Variants in NT5C3A observed in about 807,000 individuals in gnomAD.
NT5C3A encodes 5'-nucleotidase, cytosolic IIIA, also known as cytosolic 5'-nucleotidase 3A.
NT5C3A carries 23 observed loss-of-function variants against 40.0 expected under a neutral mutation model. The observed-to-expected ratio is 0.58, with a 90% CI of 0.41 to 0.81. NT5C3A has a LOEUF of 0.81. Among genes scored for constraint, NT5C3A ranks in the 40% least tolerant of loss-of-function variants. NT5C3A has a pLI of 0.00. For synonymous variants in NT5C3A, 130 were observed against 141.4 expected (o/e 0.92, Z 0.57); for missense variants, 328 against 403.0 (o/e 0.81, Z 1.59).
intron 1 of NT5C3A, among the ~76,000 whole-genome samples, chr7:33,037,067 C>T (rs970452946): frequency 5.3e-5 from 8 of 152,204 alleles, no homozygotes; most frequent in African/African-American, 1.9e-4. Context: ...GCCTCTGCCT[C>T]CCAAAGTGCT....
At chr7:33,056,230 A>G (rs941346400) in intron 1 of NT5C3A, among the ~76,000 whole-genome samples, 28 of 152,190 alleles carry the variant, frequency 1.8e-4, no homozygotes, top group Non-Finnish European at 7.3e-5. Context: ...GGAAATGCCA[A>G]AGGAATTCAG....
chr7:33,019,352 T>C (rs543710802), intron 6 of NT5C3A, among the ~76,000 whole-genome samples: 4 of 152,306 alleles, frequency 2.6e-5, no homozygotes, highest in African/African-American at 7.2e-5. Flanking sequence ...AATTTTTAAA[T>C]GGCCTTGGTT....
chr7:33,017,040 G>A (rs1446526271), intron 7 of NT5C3A, among the ~76,000 whole-genome samples: 3 of 152,056 alleles, frequency 2.0e-5, no homozygotes, highest in Admixed American at 6.6e-5. Context: ...AAAATTAGCC[G>A]GGTGTGGTGG....
intron 1 of NT5C3A, among the ~76,000 whole-genome samples, chr7:33,044,760 C>G (rs982092887): frequency 6.6e-6 from 1 of 152,042 alleles, no homozygotes; most frequent in African/African-American, 2.4e-5. Context: ...ACTTGAAAAA[C>G]TAAAAATTAT....
chr7:33,045,251 C>G (rs960812342), intron 1 of NT5C3A, among the ~76,000 whole-genome samples: 1 of 152,114 alleles, frequency 6.6e-6, no homozygotes, highest in African/African-American at 2.4e-5. Context: ...TTTTTTTAAA[C>G]ATGCAAAACA....
intron 1 of NT5C3A, among the ~76,000 whole-genome samples, chr7:33,047,639 G>A (rs1787208266): frequency 6.6e-6 from 1 of 151,944 alleles, no homozygotes; most frequent in African/African-American, 2.4e-5. Flanking sequence ...ATTACAGAAT[G>A]ACTTCATTTG....
rs1434540915 is a variant in NT5C3A at position 33,021,393 on chromosome 7, CT to C, written c.355-37del. 3 of 1,600,084 alleles carry C rather than the reference CT, an allele frequency of 1.9e-6. No individual in the cohort carries two copies. The South Asian group carries it at 3.3e-5, about 18-fold the overall frequency. ...ATGAATAACTTAATCATGAAGATTA[CT>C]TGAAAATAAATCTGCTTGGTTTTAT... On this transcript the variant is annotated intron_variant, in intron 4 of 8. Transcript: ENST00000610140.
chr7:33,049,969 C>CAA (rs61035673), intron 1 of NT5C3A, among the ~76,000 whole-genome samples: 1,682 of 57,046 alleles, frequency 0.029, 57 homozygotes, highest in East Asian at 0.14. Context: ...GACTCCATCT[C>CAA]AAAAAAAAAA....
chr7:33,033,685 G>T (rs1786412716), intron 1 of NT5C3A, among the ~76,000 whole-genome samples: 1 of 151,940 alleles, frequency 6.6e-6, no homozygotes, highest in East Asian at 1.9e-4. Context: ...AGAGAAACAG[G>T]ATTTAGATAT....
intron 1 of NT5C3A, 155 bp from the exon 2 acceptor site, chr7:33,027,070 TTTG>T (rs1458473432): frequency 5.2e-6 from 3 of 581,140 alleles, no homozygotes; most frequent in Admixed American, 5.9e-5. Flanking sequence ...GTTTATTTAT[TTTG>T]TTATTACTTT....
chr7:33,029,244 A>T lies in NT5C3A; in HGVS notation c.139-2329T>A, dbSNP rs1362999613. On this transcript the variant is annotated intron_variant, in intron 1 of 8. Coordinates refer to ENST00000610140, the MANE Select transcript of NT5C3A (RefSeq NM_001002010.5). ...GAAAGGCAGATAGGCACTGGTTCCT[A>T]TTTTTTTTTTTCATACATTAACCCA... The T allele has an allele frequency of 4.5e-5, 7 of 153,912 alleles. No homozygotes were observed. The East Asian group carries it at 1.1e-3, about 25-fold the overall frequency. 9.5% of individuals were successfully genotyped at this position (153,912 alleles called of 1,614,324 possible).
At chr7:33,039,725 G>A (rs1786823441) in intron 1 of NT5C3A, among the ~76,000 whole-genome samples, 1 of 151,566 alleles carries the variant, frequency 6.6e-6, no homozygotes, top group Admixed American at 6.6e-5. Flanking sequence ...AAACACACAC[G>A]CTGCAAAGTG....
rs11407169 is a variant in NT5C3A, at chr7:33,039,705, G to GT, written c.139-12791_139-12790insA. Among the ~76,000 whole-genome samples the GT allele has an allele frequency of 6.0e-3, 908 of 151,164 alleles. 9 individuals carry two copies. Among genetic ancestry groups the GT allele is most frequent in the African/African-American group, 0.021 (865 of 41,202 alleles). On this transcript the variant is annotated intron_variant, in intron 1 of 8. Coordinates refer to ENST00000610140, the MANE Select transcript of NT5C3A (RefSeq NM_001002010.5). ...CTAATTAGATTTTCAACTCAGCGGT[G>GT]GGGAAAAAGAAACACACACGCTGCA...
intron 1 of NT5C3A, among the ~76,000 whole-genome samples, chr7:33,057,558 T>C (rs1036538666): frequency 1.3e-5 from 2 of 152,040 alleles, no homozygotes; most frequent in African/African-American, 2.4e-5. Context: ...GTTTATGTCC[T>C]AGAAAGAAAC....
At chr7:33,054,276 T>A (rs1787484142) in intron 1 of NT5C3A, among the ~76,000 whole-genome samples, 2 of 150,710 alleles carry the variant, frequency 1.3e-5, no homozygotes, top group South Asian at 4.2e-4. Flanking sequence ...ATCACTTGAG[T>A]CAAGCAGGTC....
chr7:33,020,052 G>A (rs547231129), intron 5 of NT5C3A, among the ~76,000 whole-genome samples: 33 of 152,108 alleles, frequency 2.2e-4, no homozygotes, highest in Admixed American at 1.2e-3. Context: ...TTCTCTGATT[G>A]CAGTAAAATG....
intron 2 of NT5C3A, among the ~76,000 whole-genome samples, chr7:33,025,989 C>T (rs1363771234): frequency 6.6e-6 from 1 of 152,154 alleles, no homozygotes; most frequent in African/African-American, 2.4e-5. Context: ...AGTTTGAGAC[C>T]AGCCTGGCCA....
chr7:33,023,853 T>A, intron 3 of NT5C3A, 186 bp downstream of exon 3: 2 of 579,634 alleles, frequency 3.5e-6, no homozygotes, highest in South Asian at 2.1e-5. Flanking sequence ...AAACCATACA[T>A]GAAAATAACC....
At position 33,062,761 on chromosome 7, in the gene NT5C3A, T is replaced by G. The variant is rs969863309; in HGVS notation, c.-56A>C. 1.4e-5 allele frequency: 21 copies of G among 1,547,964 alleles called. No homozygotes were observed. In the African/African-American group the frequency reaches 2.8e-4, roughly 20 times the overall value. On this transcript the variant is annotated 5_prime_UTR_variant, in exon 1 of 9. Coordinates refer to ENST00000610140, the MANE Select transcript of NT5C3A (RefSeq NM_001002010.5). ...AAAAAAACAGGCAGCTCGCGTAGAC[T>G]GCGAGTCTCGGAAGCGCGGGATCCC...
Sources: gnomAD v4.1 joint callset for allele counts (sites outside exome capture counted in the v4.1 genomes callset) on GRCh38, gnomAD v4.1.1 for gene constraint, MANE v1.5 for transcripts, NCBI Gene and HGNC (gene_info 2026-07-23, HGNC 2026-07-21) for gene names.